The following MYOF variants were observed in gnomAD, a reference collection of about 807,000 sequenced individuals.
MYOF encodes myoferlin.
MYOF carries 244 observed loss-of-function variants against 284.2 expected under a neutral mutation model. The observed-to-expected ratio is 0.86, with a 90% CI of 0.77 to 0.95. The LOEUF is 0.95. Among genes scored for constraint, MYOF ranks in the 40% least tolerant of loss-of-function variants. The pLI is 0.00. For synonymous variants in MYOF, 904 were observed against 919.7 expected (o/e 0.98, Z 0.31); for missense variants, 2,496 against 2,560.6 (o/e 0.97, Z 0.54).
At chr10:93,375,024 C>T in intron 22 of MYOF, 69 bp from the exon 23 acceptor site, 3 of 1,413,234 alleles carry the variant, frequency 2.1e-6, no homozygotes, top group Non-Finnish European at 2.9e-6. Flanking sequence ...TCAGAACTGT[C>T]AAATACATTT....
intron 51 of MYOF, among the ~76,000 whole-genome samples, chr10:93,310,859 C>T (rs1046138993): frequency 6.6e-6 from 1 of 152,086 alleles, no homozygotes; most frequent in Admixed American, 6.6e-5. Context: ...TTGCTTCCCC[C>T]ACTCCCTACT....
At chr10:93,338,419 T>C (rs1418376348) in intron 39 of MYOF, 2 of 456,112 alleles carry the variant, frequency 4.4e-6, no homozygotes, top group East Asian at 1.4e-4. Flanking sequence ...TTTCAAGCTG[T>C]ACTGGCTTGG....
intron 50 of MYOF, among the ~76,000 whole-genome samples, chr10:93,313,616 G>A (rs1842487954): frequency 6.6e-6 from 1 of 152,266 alleles, no homozygotes; most frequent in South Asian, 2.1e-4. Flanking sequence ...AACACAGGAT[G>A]CTGGCTGGGC....
chr10:93,396,215 A>G lies in MYOF; in HGVS notation c.1344T>C (p.Leu448=). The G allele has an allele frequency of 6.3e-7, 1 of 1,599,118 alleles. No individual in the cohort carries two copies. The highest frequency in any genetic ancestry group is 8.5e-7 in the Non-Finnish European group (1 of 1,171,690). ...TTGTTCCAACTACATCATTTTTAGT[A>G]AGACGGTCCCTGTGTAAAAAATAAA... is the stretch of plus-strand genomic sequence containing the variant. ...IKLTIYDWDR[L]TKNDVVGTTY... The change falls in exon 16 of 54, where the codon CTT becomes CTC. Residue 448 remains leucine (L), a synonymous_variant. Transcript: ENST00000359263.
chr10:93,347,412 C>T (rs1314165943), intron 37 of MYOF, among the ~76,000 whole-genome samples: 1 of 150,286 alleles, frequency 6.7e-6, no homozygotes, highest in Non-Finnish European at 1.5e-5. Context: ...ATTAGCCGGG[C>T]GCGGTGGCGG....
In MYOF at chr10:93,397,308, A is replaced by T; in HGVS notation, c.1291-18T>A. 2 of 1,600,228 alleles carry T rather than the reference A, an allele frequency of 1.2e-6. No homozygotes were observed. On this transcript the variant is annotated intron_variant, in intron 14 of 53. Transcript: ENST00000359263. ...GAAGGAAACTAAAAAAATGAGACAG[A>T]AAAAAGTAGTTATTTCTCAATGATT...
chr10:93,473,428 G>A (rs1187544151), intron 1 of MYOF, among the ~76,000 whole-genome samples: 1 of 152,246 alleles, frequency 6.6e-6, no homozygotes, highest in Non-Finnish European at 1.5e-5. Flanking sequence ...TGCCACTGCA[G>A]TTGGATGTAG....
At chr10:93,454,573 C>T (rs1251843182) in intron 2 of MYOF, among the ~76,000 whole-genome samples, 1 of 152,224 alleles carries the variant, frequency 6.6e-6, no homozygotes, top group Non-Finnish European at 1.5e-5. Flanking sequence ...CAAGGGGCCT[C>T]TTGCTCTCAT....
chr10:93,331,694 T>C (rs535369796), intron 43 of MYOF, among the ~76,000 whole-genome samples: 1 of 45,238 alleles, frequency 2.2e-5, no homozygotes, highest in South Asian at 6.9e-4. Context: ...GTGTGCAGCA[T>C]GCGGGGGGCG....
intron 1 of MYOF, among the ~76,000 whole-genome samples, chr10:93,469,572 A>G (rs1351106666): frequency 2.6e-5 from 4 of 152,212 alleles, no homozygotes; most frequent in Non-Finnish European, 4.4e-5. Context: ...TCCAGCTCAA[A>G]GGCACCAATG....
intron 5 of MYOF, among the ~76,000 whole-genome samples, chr10:93,421,005 G>A (rs1848335452): frequency 6.6e-6 from 1 of 152,090 alleles, no homozygotes; most frequent in Non-Finnish European, 1.5e-5. Context: ...ATCACTTGAG[G>A]TCAGGAGTTC....
intron 3 of MYOF, 100 bp from the exon 4 acceptor site, chr10:93,431,616 T>A: frequency 1.1e-6 from 1 of 874,026 alleles, no homozygotes; most frequent in Non-Finnish European, 1.8e-6. Context: ...GTTAAATCAT[T>A]GAAGTCACTA....
At position 93,325,751 on chromosome 10, in the gene MYOF, G is replaced by A; in HGVS notation, c.5271+75C>T. On this transcript the variant is annotated intron_variant, in intron 46 of 53. Transcript: ENST00000359263. ...CTCAAAGTATTCAAAGAAGATAAAAGGCGCAAAAATGTCAACTACTGCCAT... is the reference window on the plus strand; with the variant it reads ...CTCAAAGTATTCAAAGAAGATAAAAAGCGCAAAAATGTCAACTACTGCCAT... 4 of 1,493,444 alleles carry A rather than the reference G, an allele frequency of 2.7e-6. No homozygotes were observed. The South Asian group carries it at 3.8e-5, about 14-fold the overall frequency. 92.5% of individuals were successfully genotyped at this position (1,493,444 alleles called of 1,614,324 possible).
In MYOF at chr10:93,353,861, TAGC is replaced by T; in HGVS notation, c.3428_3430del (p.Cys1143del). ...CAAGAGGTTTCTGGCTTGATAGACA[TAGC>T]AGCGCAGATGGTAGATGTAGACTCC... On this transcript the variant is annotated inframe_deletion, in exon 32 of 54. Coordinates refer to ENST00000359263, the MANE Select transcript of MYOF (RefSeq NM_013451.4). 1 of 1,610,994 alleles carries T rather than the reference TAGC, an allele frequency of 6.2e-7. No homozygotes were observed. Among genetic ancestry groups the T allele is most frequent in the Non-Finnish European group, 8.5e-7 (1 of 1,178,102 alleles).
intron 45 of MYOF, among the ~76,000 whole-genome samples, chr10:93,327,582 C>T (rs77912031): frequency 4.6e-5 from 7 of 152,038 alleles, no homozygotes; most frequent in East Asian, 1.9e-4. Flanking sequence ...ATCCCCATGA[C>T]GGGGGAGTTG....
chr10:93,370,416 A>G (rs1379071267), intron 24 of MYOF, among the ~76,000 whole-genome samples: 1 of 147,996 alleles, frequency 6.8e-6, no homozygotes, highest in Non-Finnish European at 1.5e-5. Context: ...GGCTCAAGCG[A>G]TCCTCCCTCC....
At chr10:93,344,682 G>A (rs1484099683) in intron 37 of MYOF, among the ~76,000 whole-genome samples, 3 of 123,324 alleles carry the variant, frequency 2.4e-5, no homozygotes, top group African/African-American at 9.3e-5. Context: ...GTATACCTAT[G>A]TAACAAACCT....
chr10:93,359,105 A>G (rs1310949071), intron 29 of MYOF, among the ~76,000 whole-genome samples: 2 of 152,160 alleles, frequency 1.3e-5, no homozygotes, highest in Admixed American at 6.6e-5. Context: ...CATAGTGCCT[A>G]CCGGAGTTAC....
In MYOF at chr10:93,325,847, G is replaced by A. The variant is rs1165320062; in HGVS notation, c.5250C>T (p.Thr1750=). The A allele has an allele frequency of 4.3e-6, 7 of 1,613,692 alleles. No individual in the cohort carries two copies. The highest frequency in any genetic ancestry group is 5.9e-6 in the Non-Finnish European group (7 of 1,179,916). The change falls in exon 46 of 54, where the codon ACC becomes ACT. Residue 1750 remains threonine (T), a synonymous_variant. Coordinates refer to ENST00000359263, the MANE Select transcript of MYOF (RefSeq NM_013451.4). ...TTACCTGGGAAATGTTGGGCTGGAA[G>A]GTGCTGTGCAAAGTCCTTGTTTCCA... ...EHVETRTLHS[T]FQPNISQGKL... is the part of the protein sequence containing the mutation.
Sources: allele counts gnomAD v4.1 joint callset (sites outside exome capture counted in the v4.1 genomes callset), GRCh38; gene constraint gnomAD v4.1.1; transcripts MANE v1.5; gene names NCBI Gene and HGNC (gene_info 2026-07-23, HGNC 2026-07-21).